RCHY1: variants seen among roughly 807,000 people sequenced by gnomAD.
RCHY1 encodes the protein ring finger and CHY zinc finger domain containing 1.
RCHY1 carries 21 observed loss-of-function variants against 41.6 expected under a neutral mutation model. That is an observed-to-expected ratio of 0.51 (90% CI 0.36 to 0.73). The LOEUF (loss-of-function observed/expected upper bound fraction) is 0.73. Among genes scored for constraint, RCHY1 ranks in the 30% least tolerant of loss-of-function variants. The pLI is 0.00. For missense variants in RCHY1, 265 were observed against 325.3 expected (o/e 0.81, Z 1.43); for synonymous variants, 79 against 102.9 (o/e 0.77, Z 1.41).
At chr4:75,493,214 G>A (rs935158064) in intron 4 of RCHY1, among the ~76,000 whole-genome samples, 3 of 151,858 alleles carry the variant, frequency 2.0e-5, no homozygotes, top group Non-Finnish European at 2.9e-5. Context: ...TACTAATCAA[G>A]TACCTTAAGC....
chr4:75,499,953 A>G (rs1407532754), intron 3 of RCHY1, among the ~76,000 whole-genome samples: 1 of 152,230 alleles, frequency 6.6e-6, no homozygotes, highest in East Asian at 1.9e-4. Flanking sequence ...CAAATATTTA[A>G]GCCTGGGCAA....
At chr4:75,512,720 C>G (rs1414999133) in intron 1 of RCHY1, among the ~76,000 whole-genome samples, 3 of 152,112 alleles carry the variant, frequency 2.0e-5, no homozygotes, top group Non-Finnish European at 4.4e-5. Flanking sequence ...CCACTCCTCC[C>G]ATTCTTTCCT....
In RCHY1 at chr4:75,491,666, A is replaced by G; in HGVS notation, c.510-29T>C. ...AAAGAAAATATAAGATTATTTTAGT[A>G]AAACAAAAACTGTCTCCACTATTTT... On this transcript the variant is annotated intron_variant, in intron 6 of 8. Transcript: ENST00000324439. 1.9e-6 allele frequency: 3 copies of G among 1,599,690 alleles called. No homozygotes were observed. In the South Asian group the frequency reaches 3.3e-5, roughly 18 times the overall value.
chr4:75,490,545 G>A (rs770514215), intron 8 of RCHY1, 36 bp downstream of exon 8: 1 of 1,571,074 alleles, frequency 6.4e-7, no homozygotes, highest in Non-Finnish European at 8.6e-7. Flanking sequence ...GTGCCAACAA[G>A]GAGTCTACAA....
chr4:75,488,047 G>A (rs1007340298), intron 8 of RCHY1, among the ~76,000 whole-genome samples: 7 of 148,514 alleles, frequency 4.7e-5, no homozygotes, highest in African/African-American at 7.5e-5. Context: ...GGGCCCCTGC[G>A]GTATTCAAAA....
chr4:75,491,386 A>G (rs531561256), intron 7 of RCHY1: 49 of 402,158 alleles, frequency 1.2e-4, no homozygotes, highest in African/African-American at 9.5e-4. Flanking sequence ...AACTACCTCA[A>G]ATTGTGGGAG....
intron 1 of RCHY1, among the ~76,000 whole-genome samples, chr4:75,511,805 CA>C (rs1724906892): frequency 6.8e-6 from 1 of 146,818 alleles, no homozygotes; most frequent in African/African-American, 2.5e-5. Context: ...CGTGTGTCAA[CA>C]GACTGAAAAA....
intron 3 of RCHY1, among the ~76,000 whole-genome samples, chr4:75,499,979 A>T (rs13145288): frequency 0.68 from 103,158 of 152,002 alleles, 36,115 homozygotes; most frequent in African/African-American, 0.86. Context: ...GGAAACCCCA[A>T]CTCCACAAAA....
In RCHY1 at chr4:75,482,200, A is replaced by T. The variant is rs1721574357; in HGVS notation, c.*338T>A. The T allele has an allele frequency of 6.3e-6, 1 of 159,608 alleles. No homozygotes were observed. Among genetic ancestry groups the T allele is most frequent in the Admixed American group, 6.5e-5 (1 of 15,488 alleles). 9.9% of individuals were successfully genotyped at this position (159,608 alleles called of 1,614,324 possible). On this transcript the variant is annotated 3_prime_UTR_variant, in exon 9 of 9. Transcript: ENST00000324439. ...GCAGTTCTATCAAGAACTAGAAATG[A>T]ACTGCACGCGTAGTGTCACTTAAAG...
chr4:75,506,136 A>C (rs1724283457), intron 3 of RCHY1, among the ~76,000 whole-genome samples: 1 of 151,878 alleles, frequency 6.6e-6, no homozygotes. Flanking sequence ...CATACAAAAA[A>C]AAAAAAAACA....
chr4:75,485,253 C>T (rs1017970294), intron 8 of RCHY1, among the ~76,000 whole-genome samples: 6 of 152,164 alleles, frequency 3.9e-5, no homozygotes, highest in African/African-American at 1.4e-4. Context: ...GCTGTCTTTC[C>T]CCTACTGTCT....
At chr4:75,514,439 C>T (rs1725349039), upstream of RCHY1, 2 of 850,002 alleles carry the variant, frequency 2.4e-6, no homozygotes, top group African/African-American at 1.7e-5. Flanking sequence ...AGACGGATTT[C>T]CGGTTCCCGG....
intron 3 of RCHY1, among the ~76,000 whole-genome samples, chr4:75,495,445 C>T (rs941693250): frequency 6.6e-6 from 1 of 151,992 alleles, no homozygotes; most frequent in Admixed American, 6.6e-5. Flanking sequence ...AGGCACTGAG[C>T]TATTCAGAAC....
chr4:75,490,466 G>T (rs1722642028), intron 8 of RCHY1, 115 bp downstream of exon 8: 1 of 657,180 alleles, frequency 1.5e-6, no homozygotes, highest in Non-Finnish European at 2.4e-6. Flanking sequence ...CATCACATTA[G>T]CATCTGTGTC....
intron 8 of RCHY1, among the ~76,000 whole-genome samples, chr4:75,484,901 G>A (rs776331292): frequency 5.9e-5 from 9 of 151,848 alleles, no homozygotes; most frequent in Admixed American, 4.6e-4. Flanking sequence ...TTGAAAATGA[G>A]GGCTCCCAAA....
At position 75,501,984 on chromosome 4, in the gene RCHY1, AG is replaced by A. The variant is rs539141607; in HGVS notation, c.326+6835del. 4.9e-4 allele frequency among the ~76,000 whole-genome samples: 75 copies of A among 152,238 alleles called. 2 individuals are homozygous for A. In the South Asian group the frequency reaches 0.015, roughly 30 times the overall value. ...TGCCAGCTACTCGGGAGGCTGAGGC[AG>A]GACTTGAACCCAGGAGGCAGAGGTT... is the stretch of plus-strand genomic sequence containing the variant. On this transcript the variant is annotated intron_variant, in intron 3 of 8. Transcript: ENST00000324439.
rs1054366869 is a variant in RCHY1, at chr4:75,479,400, C to T, written c.*3138G>A. 2 of 152,000 alleles carry T rather than the reference C, an allele frequency of 1.3e-5. No individual in the cohort carries two copies. Among genetic ancestry groups the T allele is most frequent in the Admixed American group, 1.3e-4 (2 of 15,258 alleles). The allele number at this position is 152,000 out of a possible 1,614,324, so 9.4% of individuals were successfully genotyped here. ...CCAGGCACTTATAAAATAATGTTGGCTCTTTAGTACTTAGTAAATTTATTT... is the reference window on the plus strand; with the variant it reads ...CCAGGCACTTATAAAATAATGTTGGTTCTTTAGTACTTAGTAAATTTATTT... On this transcript the variant is annotated 3_prime_UTR_variant, in exon 9 of 9. Coordinates refer to ENST00000324439, the MANE Select transcript of RCHY1 (RefSeq NM_015436.4).
chr4:75,487,630 AATATATATATTCAT>A (rs1560512876), intron 8 of RCHY1, among the ~76,000 whole-genome samples: 5 of 14,682 alleles, frequency 3.4e-4, no homozygotes, highest in African/African-American at 9.9e-4. Flanking sequence ...ATATATTCAT[AATATATATATTCAT>A]ATATATTCAT....
intron 1 of RCHY1, among the ~76,000 whole-genome samples, chr4:75,510,142 A>C (rs1375708154): frequency 6.6e-6 from 1 of 152,212 alleles, no homozygotes; most frequent in Non-Finnish European, 1.5e-5. Flanking sequence ...AAAGACTGCC[A>C]GTTGTCCACC....
Sources: allele counts gnomAD v4.1 joint callset (sites outside exome capture counted in the v4.1 genomes callset), GRCh38; gene constraint gnomAD v4.1.1; transcripts MANE v1.5; gene names NCBI Gene and HGNC (gene_info 2026-07-23, HGNC 2026-07-21).